Variants in COL5A2 observed in about 807,000 individuals in gnomAD.
COL5A2 encodes collagen alpha-2(V) chain.
In COL5A2, 23 loss-of-function variants were observed where a neutral mutation model predicts 208.2. The ratio of observed to expected loss-of-function variants is 0.11; its 90% CI spans 0.08 to 0.16. The LOEUF (loss-of-function observed/expected upper bound fraction) is 0.16, where lower values mean the gene tolerates loss of function less well. Among genes scored for constraint, COL5A2 ranks in the 10% least tolerant of loss-of-function variants. COL5A2 has a pLI of 1.00. For synonymous variants in COL5A2, 625 were observed against 628.5 expected, an observed-to-expected ratio of 0.99 and a Z score of 0.08; for missense variants, 1,590 against 1,956.4, an observed-to-expected ratio of 0.81 and a Z score of 3.53.
intron 7 of COL5A2, 55 bp downstream of exon 7, chr2:189,092,255 A>T: frequency 9.2e-7 from 1 of 1,081,718 alleles, no homozygotes. Context: ...CTAACAATAT[A>T]TCAATAATTT....
At chr2:189,165,062 T>C (rs1274959489) in intron 1 of COL5A2, among the ~76,000 whole-genome samples, 1 of 152,224 alleles carries the variant, frequency 6.6e-6, no homozygotes, top group Non-Finnish European at 1.5e-5. Context: ...TTTCATATCT[T>C]AAGCATATTT....
the COL5A2 span, among the ~76,000 whole-genome samples, chr2:189,349,770 C>A: frequency 6.6e-6 from 1 of 152,060 alleles, no homozygotes; most frequent in African/African-American, 2.4e-5. Context: ...ATAATAGAAT[C>A]CTCAGAAGTT....
chr2:189,327,835 T>C, the COL5A2 span, among the ~76,000 whole-genome samples: 1 of 152,230 alleles, frequency 6.6e-6, no homozygotes, highest in Admixed American at 6.5e-5. Flanking sequence ...GTTCATGTGC[T>C]TATTTGCAAG....
At chr2:189,298,677 G>A in the COL5A2 span, among the ~76,000 whole-genome samples, 64 of 152,278 alleles carry the variant, frequency 4.2e-4, no homozygotes, top group African/African-American at 1.5e-3. Context: ...CAAAATCCCA[G>A]CCAGTTTCTC....
Position 189,110,340 on chromosome 2 carries a change from A to C in COL5A2, c.207T>G (p.Ile69Met). ...CQICVCDNGA[I>M]LCDKIECQDV... ...CCTGGCATTCTATCTTGTCACAGAG[A>C]ATGGCTCCATTGTCACAGACACAGA... Residue 69 changes from isoleucine to methionine, a missense_variant, in exon 2 of 54, where the codon ATT becomes ATG. Transcript: ENST00000374866. 1 of 1,614,164 alleles carries C rather than the reference A, an allele frequency of 6.2e-7. No individual in the cohort carries two copies. Among genetic ancestry groups the C allele is most frequent in the Admixed American group, 1.7e-5 (1 of 60,028 alleles).
chr2:189,207,119 T>G (rs1689152438), intron 1 of COL5A2, among the ~76,000 whole-genome samples: 1 of 152,194 alleles, frequency 6.6e-6, no homozygotes, highest in Non-Finnish European at 1.5e-5. Context: ...GTAATACCAA[T>G]GCAGATCAAA....
intron 23 of COL5A2, among the ~76,000 whole-genome samples, chr2:189,065,941 C>T (rs1382729569): frequency 6.6e-6 from 1 of 152,188 alleles, no homozygotes; most frequent in Non-Finnish European, 1.5e-5. Flanking sequence ...CTTTCCTAAC[C>T]ACCTAATCTA....
the COL5A2 span, among the ~76,000 whole-genome samples, chr2:189,268,594 T>A: frequency 6.6e-6 from 1 of 152,264 alleles, no homozygotes; most frequent in African/African-American, 2.4e-5. Flanking sequence ...GTTTCTTAAC[T>A]GTTAAGTAGA....
At chr2:189,264,628 A>G in the COL5A2 span, among the ~76,000 whole-genome samples, 1 of 152,182 alleles carries the variant, frequency 6.6e-6, no homozygotes, top group Non-Finnish European at 1.5e-5. Flanking sequence ...AATCACGAAT[A>G]GCTTCAATAA....
At chr2:189,050,536 T>G in intron 43 of COL5A2, 33 bp downstream of exon 43, 657 of 1,432,210 alleles carry the variant, frequency 4.6e-4, no homozygotes, top group Non-Finnish European at 5.6e-4. Flanking sequence ...ATTGCACATA[T>G]GAGATAAAAT....
At chr2:189,393,093 T>C in the COL5A2 span, among the ~76,000 whole-genome samples, 3 of 152,128 alleles carry the variant, frequency 2.0e-5, no homozygotes, top group Non-Finnish European at 4.4e-5. Context: ...TTGCATTTAA[T>C]TAACAATGTC....
the COL5A2 span, among the ~76,000 whole-genome samples, chr2:189,430,684 G>C: frequency 2.6e-5 from 1 of 38,186 alleles, no homozygotes; most frequent in Non-Finnish European, 1.0e-4. Context: ...CAGCCAGAAA[G>C]CTTGAACTGG....
At chr2:189,323,853 T>C in the COL5A2 span, among the ~76,000 whole-genome samples, 3 of 152,140 alleles carry the variant, frequency 2.0e-5, no homozygotes, top group African/African-American at 4.8e-5. Context: ...AAAAAGAGCC[T>C]GCATTGCCAA....
At chr2:189,118,771 G>A (rs1311303266) in intron 1 of COL5A2, among the ~76,000 whole-genome samples, 1 of 152,058 alleles carries the variant, frequency 6.6e-6, no homozygotes, top group Admixed American at 6.5e-5. Context: ...AATATCTAGT[G>A]ACTTGAATTA....
intron 1 of COL5A2, among the ~76,000 whole-genome samples, chr2:189,160,885 C>T (rs1688349712): frequency 7.1e-6 from 1 of 139,890 alleles, no homozygotes. Context: ...GACTGGAGTG[C>T]AATGGCGCGA....
At chr2:189,372,408 T>C in the COL5A2 span, among the ~76,000 whole-genome samples, 1 of 152,184 alleles carries the variant, frequency 6.6e-6, no homozygotes, top group Non-Finnish European at 1.5e-5. Flanking sequence ...TAAGTAAAAT[T>C]TGTATCATTA....
At chr2:189,121,512 G>A (rs770985537) in intron 1 of COL5A2, among the ~76,000 whole-genome samples, 2 of 151,952 alleles carry the variant, frequency 1.3e-5, no homozygotes, top group Admixed American at 6.6e-5. Flanking sequence ...GGAGGGGTGG[G>A]GCTCTTGCGG....
chr2:189,425,391 A>G, the COL5A2 span, among the ~76,000 whole-genome samples: 1 of 152,216 alleles, frequency 6.6e-6, no homozygotes, highest in Non-Finnish European at 1.5e-5. Context: ...TCAAAGAGCT[A>G]TCTGCACTCT....
At chr2:189,186,067 G>A (rs1688847688) in intron 1 of COL5A2, among the ~76,000 whole-genome samples, 1 of 151,828 alleles carries the variant, frequency 6.6e-6, no homozygotes, top group Non-Finnish European at 1.5e-5. Flanking sequence ...CTGGAGTGCA[G>A]TAGCACGATC....
Sources: allele counts gnomAD v4.1 joint callset (sites outside exome capture counted in the v4.1 genomes callset), GRCh38; gene constraint gnomAD v4.1.1; transcripts MANE v1.5; gene names NCBI Gene and HGNC (gene_info 2026-07-23, HGNC 2026-07-21).